The following NPAS3 variants were observed in gnomAD, a reference collection of about 807,000 sequenced individuals.
NPAS3 encodes the protein neuronal PAS domain protein 3.
A neutral mutation model predicts 73.1 loss-of-function variants in NPAS3; 14 were observed. That is an observed-to-expected ratio of 0.19 (90% CI 0.13 to 0.30). NPAS3 has a LOEUF of 0.30. Ranked by LOEUF, NPAS3 falls within the 10% of genes least tolerant of loss-of-function variation. The pLI is 1.00. For synonymous variants in NPAS3, 620 were observed against 541.5 expected, an observed-to-expected ratio of 1.14 and a Z score of -2.01; for missense variants, 1,096 against 1,250.0, an observed-to-expected ratio of 0.88 and a Z score of 1.86.
exon 12 of NPAS3, chr14:33,799,883 C>T: frequency 6.2e-7 from 1 of 1,614,198 alleles, no homozygotes. Context: ...CCCGGACAGC[C>T]GCGACAGCGA....
intron 3 of NPAS3, among the ~76,000 whole-genome samples, chr14:33,300,041 A>T (rs1432256356): frequency 6.6e-6 from 1 of 152,208 alleles, no homozygotes; most frequent in East Asian, 1.9e-4. Flanking sequence ...ACCCTGCAAG[A>T]CCACTCCCAG....
chr14:33,056,788 T>C (rs150952105), intron 2 of NPAS3, among the ~76,000 whole-genome samples: 3 of 152,350 alleles, frequency 2.0e-5, no homozygotes, highest in Non-Finnish European at 4.4e-5. Context: ...TTATGAAATA[T>C]TGATTGAAGC....
chr14:33,288,451 C>T (rs1318733234), intron 3 of NPAS3, among the ~76,000 whole-genome samples: 1 of 151,978 alleles, frequency 6.6e-6, no homozygotes, highest in Non-Finnish European at 1.5e-5. Context: ...CCAGATTGGT[C>T]ACAGATGGTT....
At chr14:33,248,355 A>G (rs1161135993) in intron 3 of NPAS3, among the ~76,000 whole-genome samples, 1 of 152,190 alleles carries the variant, frequency 6.6e-6, no homozygotes, top group Non-Finnish European at 1.5e-5. Flanking sequence ...CATGATTCAT[A>G]ATTTTGGATG....
intron 9 of NPAS3, among the ~76,000 whole-genome samples, chr14:33,785,130 G>C (rs955534087): frequency 3.3e-5 from 5 of 151,436 alleles, no homozygotes; most frequent in African/African-American, 9.7e-5. Flanking sequence ...ACGATCAGAA[G>C]AAGAAAACAA....
chr14:33,563,909 A>G (rs2055791150), intron 5 of NPAS3, among the ~76,000 whole-genome samples: 8 of 152,304 alleles, frequency 5.3e-5, no homozygotes, highest in Admixed American at 4.6e-4. Flanking sequence ...TCTCTTCCAA[A>G]ATGTAAGGGG....
intron 4 of NPAS3, among the ~76,000 whole-genome samples, chr14:33,531,606 T>C (rs963513422): frequency 8.5e-5 from 13 of 152,142 alleles, no homozygotes; most frequent in South Asian, 8.3e-4. Flanking sequence ...GATTCAATAT[T>C]TTGGCACCGA....
chr14:33,188,614 C>A (rs1228420848), intron 2 of NPAS3, among the ~76,000 whole-genome samples: 1 of 152,198 alleles, frequency 6.6e-6, no homozygotes, highest in Non-Finnish European at 1.5e-5. Context: ...GTATAGAAGA[C>A]AGTCAGTACA....
intron 7 of NPAS3, among the ~76,000 whole-genome samples, chr14:33,765,808 G>T (rs1219943024): frequency 6.6e-6 from 1 of 152,160 alleles, no homozygotes; most frequent in Non-Finnish European, 1.5e-5. Context: ...TGGGTGGATG[G>T]TATGTCCTGC....
At chr14:33,097,109 G>A (rs1404598209) in intron 2 of NPAS3, among the ~76,000 whole-genome samples, 1 of 152,134 alleles carries the variant, frequency 6.6e-6, no homozygotes, top group Non-Finnish European at 1.5e-5. Flanking sequence ...CAGGTGTAGT[G>A]GTTCATGCCT....
chr14:33,179,948 T>C (rs1044967319), intron 2 of NPAS3, among the ~76,000 whole-genome samples: 2 of 152,198 alleles, frequency 1.3e-5, no homozygotes, highest in African/African-American at 4.8e-5. Context: ...ATAGAACAGG[T>C]GTGTTGGCTA....
intron 4 of NPAS3, among the ~76,000 whole-genome samples, chr14:33,496,032 TC>T: frequency 6.6e-6 from 1 of 152,046 alleles, no homozygotes; most frequent in East Asian, 1.9e-4. Flanking sequence ...TCACCACTAA[TC>T]CCACAGAAAT....
chr14:33,136,474 T>C (rs1270722608), intron 2 of NPAS3, among the ~76,000 whole-genome samples: 2 of 152,230 alleles, frequency 1.3e-5, no homozygotes, highest in Admixed American at 6.5e-5. Context: ...CAGTTCTATA[T>C]AGTTTTCTGG....
At chr14:33,634,565 A>G (rs1325668247) in intron 5 of NPAS3, among the ~76,000 whole-genome samples, 1 of 152,196 alleles carries the variant, frequency 6.6e-6, no homozygotes, top group East Asian at 1.9e-4. Flanking sequence ...AGTAACAGAG[A>G]GCACCAGGAG....
chr14:33,215,048 A>T, intron 2 of NPAS3, 134 bp from the exon 3 acceptor site: 1 of 896,710 alleles, frequency 1.1e-6, no homozygotes, highest in Non-Finnish European at 1.7e-6. Context: ...AACTCATTTT[A>T]CTGTCACTCT....
chr14:33,701,806 A>C (rs2060529950), intron 6 of NPAS3, among the ~76,000 whole-genome samples: 2 of 152,208 alleles, frequency 1.3e-5, no homozygotes, highest in Admixed American at 1.3e-4. Context: ...CATGAGGTAC[A>C]ATTTGTGATT....
intron 4 of NPAS3, among the ~76,000 whole-genome samples, chr14:33,463,765 G>A (rs999494964): frequency 1.3e-5 from 2 of 152,128 alleles, no homozygotes; most frequent in African/African-American, 4.8e-5. Context: ...ACATCACAGT[G>A]GAATAATTGA....
intron 3 of NPAS3, among the ~76,000 whole-genome samples, chr14:33,323,432 A>G (rs1203501475): frequency 5.9e-5 from 9 of 152,224 alleles, no homozygotes; most frequent in Admixed American, 6.5e-5. Context: ...AGATATTCCA[A>G]TCAGTCATTC....
In NPAS3 at chr14:33,800,072, G is replaced by T. The variant is rs143909135; in HGVS notation, c.1765G>T (p.Ala589Ser). The change falls in exon 12 of 12, where the codon GCG (alanine) becomes TCG (serine). Residue 589 changes from alanine (A) to serine (S), a missense_variant. By Grantham distance (99) the Ala-to-Ser change is moderately conservative. This residue lies in a region of NPAS3 where 698 missense variants were observed against 676.7 expected (regional missense o/e 1.03). Coordinates refer to ENST00000356141, the Ensembl canonical transcript of NPAS3. The surrounding 1 kb of genome is among the most constrained non-coding windows in gnomAD (Gnocchi z 6.5). Reference sequence around the variant, plus strand: ...CAAGGACTCGGACAGCGCAGGCGAGGCGGGCGCGCAGGCCTCCAGCAAGCA... The same window carrying T: ...CAAGGACTCGGACAGCGCAGGCGAGTCGGGCGCGCAGGCCTCCAGCAAGCA... The T allele has an allele frequency of 4.5e-5, 72 of 1,600,172 alleles. No homozygotes were observed. In the African/African-American group the frequency reaches 8.1e-4, roughly 18 times the overall value.
Sources: allele counts gnomAD v4.1 joint callset (sites outside exome capture counted in the v4.1 genomes callset), GRCh38; gene constraint gnomAD v4.1.1; regional missense constraint gnomAD v4.1.1; non-coding constraint Gnocchi (gnomAD v3.1); transcripts MANE v1.5; gene names NCBI Gene and HGNC (gene_info 2026-07-23, HGNC 2026-07-21).